The following PRUNE2 variants were observed in gnomAD, a reference collection of about 807,000 sequenced individuals.
PRUNE2 encodes the protein protein prune homolog 2.
A neutral mutation model predicts 252.0 loss-of-function variants in PRUNE2; 164 were observed. That is an observed-to-expected ratio of 0.65 (90% CI 0.57 to 0.74). PRUNE2 has a LOEUF of 0.74. PRUNE2 is among the 30% of genes least tolerant of loss of function. The pLI, the probability that PRUNE2 is intolerant of heterozygous loss-of-function variation, is 0.00. For missense variants in PRUNE2, 3,495 were observed against 3,711.0 expected, an observed-to-expected ratio of 0.94 and a Z score of 1.51; for synonymous variants, 1,292 against 1,350.2, an observed-to-expected ratio of 0.96 and a Z score of 0.94.
At chr9:76,776,863 CTT>C (rs1273266920) in intron 6 of PRUNE2, among the ~76,000 whole-genome samples, 1 of 145,590 alleles carries the variant, frequency 6.9e-6, no homozygotes, top group Non-Finnish European at 1.5e-5. Context: ...GAAGCTTTCT[CTT>C]GAGTTTCTTT....
At chr9:76,896,922 G>A (rs2062856135) in intron 1 of PRUNE2, among the ~76,000 whole-genome samples, 1 of 152,160 alleles carries the variant, frequency 6.6e-6, no homozygotes. Context: ...ACCAAATGAT[G>A]CCCATAACAT....
Position 76,707,196 on chromosome 9 carries a change from C to A in PRUNE2, c.5078G>T (p.Gly1693Val), listed in dbSNP as rs2046373527. The A allele has an allele frequency of 6.2e-7, 1 of 1,613,910 alleles. No individual in the cohort carries two copies. The highest frequency in any genetic ancestry group is 8.5e-7 in the Non-Finnish European group (1 of 1,179,910). Reference sequence around the variant, plus strand: ...CTCTTCCTCTATTGACTCTTCACCACCGACACTGTCATCATCAGAACCTGA... The same window carrying A: ...CTCTTCCTCTATTGACTCTTCACCAACGACACTGTCATCATCAGAACCTGA... ...TSSGSDDDSVGGEESIEEEIQ... is the reference protein window; with the variant it reads ...TSSGSDDDSVVGEESIEEEIQ... The change falls in exon 8 of 19, where the codon GGT (glycine) becomes GTT (valine). Residue 1693 changes from glycine (G) to valine (V), a missense_variant. Gly to Val is a moderately radical substitution (Grantham distance 109). Coordinates refer to ENST00000376718, the MANE Select transcript of PRUNE2 (RefSeq NM_015225.3).
intron 1 of PRUNE2, among the ~76,000 whole-genome samples, chr9:76,856,111 A>T (rs572575312): frequency 2.0e-5 from 3 of 152,360 alleles, no homozygotes; most frequent in African/African-American, 7.2e-5. Context: ...CCCAAATCTT[A>T]TAAGGCAGAC....
intron 9 of PRUNE2, among the ~76,000 whole-genome samples, chr9:76,660,957 G>A (rs1370605930): frequency 6.6e-6 from 1 of 151,894 alleles, no homozygotes; most frequent in African/African-American, 2.4e-5. Flanking sequence ...AATACTTTGA[G>A]GCATTTCCAG....
intron 6 of PRUNE2, chr9:76,788,675 A>T: frequency 1.7e-6 from 1 of 598,454 alleles, no homozygotes; most frequent in Non-Finnish European, 3.0e-6. Context: ...TTTGACAATG[A>T]AGACAACCTG....
At chr9:76,655,237 T>C (rs1226829894) in intron 10 of PRUNE2, among the ~76,000 whole-genome samples, 186 bp downstream of exon 10, 1 of 152,214 alleles carries the variant, frequency 6.6e-6, no homozygotes, top group Non-Finnish European at 1.5e-5. Flanking sequence ...CGAGCATCAG[T>C]ATTCAAGCCA....
In PRUNE2 at chr9:76,624,322, G is replaced by GA. The variant is rs1587754820; in HGVS notation, c.9188+129dup. 3 of 528,646 alleles carry GA rather than the reference G, an allele frequency of 5.7e-6. No homozygotes were observed. In the East Asian group the frequency reaches 9.8e-5, roughly 17 times the overall value. 32.7% of individuals were successfully genotyped at this position (528,646 alleles called of 1,614,324 possible). A position where few individuals can be genotyped will look rare whatever the true frequency, so the allele number is the denominator to read the frequency against. ...AATAGAGATTACATCTATCATAGGA[G>GA]AAAGAGAATTTCTAAAGTGCATTAT... On this transcript the variant is annotated intron_variant, in intron 17 of 18. Coordinates refer to ENST00000376718, the MANE Select transcript of PRUNE2 (RefSeq NM_015225.3).
At chr9:76,779,391 C>T (rs2054137102) in intron 6 of PRUNE2, among the ~76,000 whole-genome samples, 2 of 152,066 alleles carry the variant, frequency 1.3e-5, no homozygotes, top group South Asian at 4.1e-4. Context: ...AAGCCAACGT[C>T]GAATTTTGAA....
At chr9:76,767,260 T>C (rs2052512247) in intron 6 of PRUNE2, among the ~76,000 whole-genome samples, 1 of 152,132 alleles carries the variant, frequency 6.6e-6, no homozygotes, top group Admixed American at 6.5e-5. Context: ...AAGACCGGCC[T>C]GACCAACATG....
intron 4 of PRUNE2, among the ~76,000 whole-genome samples, chr9:76,842,512 A>C (rs1320439291): frequency 6.6e-6 from 1 of 151,698 alleles, no homozygotes; most frequent in Non-Finnish European, 1.5e-5. Flanking sequence ...GAGCTTCTGC[A>C]CAGCAAAAGA....
At chr9:76,775,031 G>A (rs946407758) in intron 6 of PRUNE2, among the ~76,000 whole-genome samples, 1 of 151,988 alleles carries the variant, frequency 6.6e-6, no homozygotes, top group Non-Finnish European at 1.5e-5. Context: ...TAATCACTCA[G>A]TGAATTATAA....
intron 9 of PRUNE2, among the ~76,000 whole-genome samples, chr9:76,676,083 C>CAAAAAAAA (rs1173629727): frequency 6.8e-6 from 1 of 147,872 alleles, no homozygotes; most frequent in Non-Finnish European, 1.5e-5. Flanking sequence ...AAACCAAAAA[C>CAAAAAAAA]AAAAAAAACT....
At chr9:76,881,778 T>C (rs144810842) in intron 1 of PRUNE2, among the ~76,000 whole-genome samples, 2,027 of 152,070 alleles carry the variant, frequency 0.013, 40 homozygotes, top group African/African-American at 0.046. Context: ...TGCACCACCA[T>C]CCCCAGCTAT....
In PRUNE2 at chr9:76,644,825, A is replaced by T; in HGVS notation, c.8642T>A (p.Leu2881His). The T allele has an allele frequency of 6.2e-7, 1 of 1,613,868 alleles. No homozygotes were observed. The highest frequency in any genetic ancestry group is 8.5e-7 in the Non-Finnish European group (1 of 1,179,846). ...TAEEEREDNR[L>H]WRTVVIGEQE... ...TTCTCCAATGACCACTGTCCTCCAAAGCCGGTTGTCCTCCCGTTCCTCTTC... is the reference window on the plus strand; with the variant it reads ...TTCTCCAATGACCACTGTCCTCCAATGCCGGTTGTCCTCCCGTTCCTCTTC... Residue 2881 changes from leucine (L) to histidine (H), a missense_variant, in exon 12 of 19, where the codon CTT becomes CAT. Physicochemically the swap from Leu to His is moderately conservative, Grantham distance 99. Transcript: ENST00000376718.
Position 76,677,499 on chromosome 9 carries a change from C to T in PRUNE2, c.8277-21997G>A, listed in dbSNP as rs576531262. ...AACATTTCCATCTGGATGACCAAAC[C>T]GTCAGCTCCTAAAGGGCCGCAGAGG... On this transcript the variant is annotated intron_variant, in intron 9 of 18. Transcript: ENST00000376718. 1.1e-3 allele frequency among the ~76,000 whole-genome samples: 170 copies of T among 152,268 alleles called. 1 individual carries two copies. Among genetic ancestry groups the T allele is most frequent in the South Asian group, 5.6e-3 (27 of 4,826 alleles).
At chr9:76,843,173 G>C (rs957131300) in intron 4 of PRUNE2, among the ~76,000 whole-genome samples, 1 of 152,140 alleles carries the variant, frequency 6.6e-6, no homozygotes, top group Non-Finnish European at 1.5e-5. Flanking sequence ...GTCCTTTGCA[G>C]GGACACTGAT....
In PRUNE2 at chr9:76,707,677, T is replaced by C. The variant is rs1205839426; in HGVS notation, c.4597A>G (p.Arg1533Gly). ...GTATACTCACTAGAAATAGTATCTC[T>C]GTCAAAATTTCCAGACGAACCGGCT... ...PGAGSSGNFD[R>G]DTISSEYTHS... Residue 1533 changes from arginine (R) to glycine (G), a missense_variant, in exon 8 of 19, where the codon AGA (arginine) becomes GGA (glycine). Transcript: ENST00000376718. 3 of 1,613,914 alleles carry C rather than the reference T, an allele frequency of 1.9e-6. No homozygotes were observed. The highest frequency in any genetic ancestry group is 1.3e-5 in the African/African-American group (1 of 75,050).
chr9:76,789,689 C>G (rs2055368433), intron 6 of PRUNE2, among the ~76,000 whole-genome samples: 1 of 152,150 alleles, frequency 6.6e-6, no homozygotes, highest in South Asian at 2.1e-4. Context: ...GGCTGGGAGA[C>G]AGGGCTATGG....
intron 9 of PRUNE2, among the ~76,000 whole-genome samples, chr9:76,689,647 C>G (rs917247416): frequency 2.6e-5 from 4 of 152,096 alleles, no homozygotes; most frequent in African/African-American, 9.7e-5. Context: ...CCATGAGATA[C>G]CGCACCAAGA....
Sources: allele counts gnomAD v4.1 joint callset (sites outside exome capture counted in the v4.1 genomes callset), GRCh38; gene constraint gnomAD v4.1.1; transcripts MANE v1.5; gene names NCBI Gene and HGNC (gene_info 2026-07-23, HGNC 2026-07-21).